ALDH7A1: variants seen among roughly 807,000 people sequenced by gnomAD.
ALDH7A1 encodes the protein alpha-aminoadipic semialdehyde dehydrogenase.
Under a neutral mutation model 79.9 loss-of-function variants are expected in ALDH7A1, and 63 were observed. The ratio of observed to expected loss-of-function variants is 0.79; its 90% CI spans 0.64 to 0.97. ALDH7A1 has a LOEUF of 0.97. ALDH7A1 is among the 50% of genes least tolerant of loss of function. ALDH7A1 has a pLI of 0.00. For missense variants in ALDH7A1, 627 were observed against 665.2 expected, an observed-to-expected ratio of 0.94 and a Z score of 0.63; for synonymous variants, 240 against 231.2, an observed-to-expected ratio of 1.04 and a Z score of -0.34.
rs989375168 is a variant in ALDH7A1 at position 126,550,200 on chromosome 5, G to A, written c.1411C>T (p.Leu471Phe). 2.5e-6 allele frequency: 4 copies of A among 1,612,186 alleles called. No individual in the cohort carries two copies. The highest frequency in any genetic ancestry group is 3.4e-6 in the Non-Finnish European group (4 of 1,179,524). ...TCAAAATAGACAAAGTTGTACCCAAGCCAGCGAAAGATTCTGCCCAGATCT... is the reference window on the plus strand; with the variant it reads ...TCAAAATAGACAAAGTTGTACCCAAACCAGCGAAAGATTCTGCCCAGATCT... The part of the protein sequence containing the change: ...TKDLGRIFRW[L>F]GPKGSDCGIV... Residue 471 changes from leucine (L) to phenylalanine (F), a missense_variant, in exon 15 of 18, where the codon CTT becomes TTT. Transcript: ENST00000409134.
chr5:126,546,481 C>CA, intron 16 of ALDH7A1, 82 bp from the exon 17 acceptor site: 2 of 1,240,210 alleles, frequency 1.6e-6, no homozygotes, highest in South Asian at 1.2e-5. Context: ...AAGAAGATAC[C>CA]AAAAGGACAC....
At chr5:126,557,103 G>T (rs1182254285) in intron 11 of ALDH7A1, among the ~76,000 whole-genome samples, 1 of 152,056 alleles carries the variant, frequency 6.6e-6, no homozygotes, top group Non-Finnish European at 1.5e-5. Flanking sequence ...GTAATGAAGG[G>T]TATAATCATT....
intron 11 of ALDH7A1, among the ~76,000 whole-genome samples, chr5:126,558,810 G>A (rs1333336025): frequency 6.6e-6 from 1 of 152,188 alleles, no homozygotes; most frequent in Non-Finnish European, 1.5e-5. Flanking sequence ...CTATGCTTGA[G>A]CCACCATGCC....
intron 3 of ALDH7A1, among the ~76,000 whole-genome samples, chr5:126,591,051 C>T (rs769835966): frequency 6.6e-6 from 1 of 151,952 alleles, no homozygotes; most frequent in Non-Finnish European, 1.5e-5. Flanking sequence ...ACCTAATGAA[C>T]ATTTTGCATT....
intron 3 of ALDH7A1, chr5:126,588,335 C>G (rs1342398781): frequency 6.6e-6 from 1 of 151,988 alleles, no homozygotes; most frequent in African/African-American, 2.4e-5. Context: ...AAACATTAGC[C>G]GGGCATGGTG....
chr5:126,573,798 C>T (rs1247396547), intron 7 of ALDH7A1, among the ~76,000 whole-genome samples: 1 of 150,838 alleles, frequency 6.6e-6, no homozygotes, highest in Non-Finnish European at 1.5e-5. Context: ...ACCTGGGAGG[C>T]AGAGGTTGGA....
intron 12 of ALDH7A1, chr5:126,555,482 C>CAAAAAAAAAAAAAAAAAAAAAAAAAA (rs762878623): frequency 1.3e-5 from 1 of 74,756 alleles, no homozygotes; most frequent in Non-Finnish European, 2.7e-5. Flanking sequence ...AACTGTGTCT[C>CAAAAAAAAAAAAAAAAAAAAAAAAAA]AAAAAAAAAA....
At chr5:126,588,053 G>A (rs1047474201) in intron 3 of ALDH7A1, 1 of 152,222 alleles carries the variant, frequency 6.6e-6, no homozygotes, top group African/African-American at 2.4e-5. Flanking sequence ...AGGTGCAGAG[G>A]CTGGCATGGT....
intron 9 of ALDH7A1, among the ~76,000 whole-genome samples, chr5:126,567,549 C>G (rs1750627182): frequency 6.6e-6 from 1 of 151,898 alleles, no homozygotes; most frequent in South Asian, 2.1e-4. Context: ...TCTCGGCTCA[C>G]TGCAAGCTCC....
In ALDH7A1 at chr5:126,546,322, A is replaced by G. The variant is rs1310035971; in HGVS notation, c.1565+2T>C. 2 of 1,614,068 alleles carry G rather than the reference A, an allele frequency of 1.2e-6. No homozygotes were observed. The highest frequency in any genetic ancestry group is 2.7e-5 in the African/African-American group (2 of 74,950). On this transcript the variant is annotated splice_donor_variant, in intron 17 of 17. Coordinates refer to ENST00000409134, the MANE Select transcript of ALDH7A1 (RefSeq NM_001182.5). LOFTEE classifies it high-confidence loss of function. ...ACCTATCTTCCCAAAGCCTTTTCTT[A>G]CCAAGTAGACCTTCTCATGTACTGT... is the stretch of plus-strand genomic sequence containing the variant.
At chr5:126,545,909 TCAA>T (rs1346572722) in intron 17 of ALDH7A1, among the ~76,000 whole-genome samples, 1 of 151,854 alleles carries the variant, frequency 6.6e-6, no homozygotes, top group Non-Finnish European at 1.5e-5. Flanking sequence ...GGTCAGGAGT[TCAA>T]CAACAGCCTG....
chr5:126,546,081 C>G (rs1356231119), intron 17 of ALDH7A1, among the ~76,000 whole-genome samples: 1 of 152,172 alleles, frequency 6.6e-6, no homozygotes, highest in Non-Finnish European at 1.5e-5. Flanking sequence ...AACCCCAACT[C>G]TACTAAAAAT....
chr5:126,550,481 T>C (rs954965546), intron 14 of ALDH7A1, among the ~76,000 whole-genome samples, 188 bp from the exon 15 acceptor site: 17 of 152,176 alleles, frequency 1.1e-4, no homozygotes, highest in African/African-American at 3.6e-4. Context: ...AATTTTGGGA[T>C]TTTTCCCCTA....
At chr5:126,561,186 T>C (rs1750390692) in intron 9 of ALDH7A1, 62 bp from the exon 10 acceptor site, 2 of 1,303,742 alleles carry the variant, frequency 1.5e-6, no homozygotes, top group African/African-American at 1.5e-5. Context: ...TGCACACTGC[T>C]ACACAGCCTA....
intron 5 of ALDH7A1, among the ~76,000 whole-genome samples, chr5:126,580,553 G>A (rs1250484142): frequency 6.6e-6 from 1 of 151,824 alleles, no homozygotes; most frequent in Non-Finnish European, 1.5e-5. Context: ...TACAAGTAGG[G>A]AATTTACTCA....
At chr5:126,565,249 C>A (rs948864258) in intron 9 of ALDH7A1, among the ~76,000 whole-genome samples, 1 of 151,898 alleles carries the variant, frequency 6.6e-6, no homozygotes, top group African/African-American at 2.4e-5. Context: ...AAAAATTAGT[C>A]GGACATGGTG....
Position 126,561,079 on chromosome 5 carries a change from T to G in ALDH7A1, c.913+4A>C. On this transcript the variant is annotated splice_donor_region_variant and intron_variant, in intron 10 of 17. Transcript: ENST00000409134. The stretch of plus-strand genomic sequence containing the variant: ...AACAAACAAAAACAAAGAGGCAGCC[T>G]TACCAATAATGGCATTGTTTCCTCC... 1 of 1,613,226 alleles carries G rather than the reference T, an allele frequency of 6.2e-7. No individual in the cohort carries two copies. The highest frequency in any genetic ancestry group is 2.2e-5 in the East Asian group (1 of 44,856).
intron 7 of ALDH7A1, among the ~76,000 whole-genome samples, chr5:126,575,110 G>T (rs1183713459): frequency 6.6e-6 from 1 of 152,180 alleles, no homozygotes; most frequent in Non-Finnish European, 1.5e-5. Context: ...GTTGAATAGT[G>T]AGAAAATATA....
At chr5:126,593,557 C>A in intron 1 of ALDH7A1, 153 bp from the exon 2 acceptor site, 1 of 1,080,346 alleles carries the variant, frequency 9.3e-7, no homozygotes, top group Non-Finnish European at 1.4e-6. Context: ...ATATAAACCA[C>A]TCTACAGAGG....
Sources: gnomAD v4.1 joint callset for allele counts (sites outside exome capture counted in the v4.1 genomes callset) on GRCh38, gnomAD v4.1.1 for gene constraint, MANE v1.5 for transcripts, NCBI Gene and HGNC (gene_info 2026-07-23, HGNC 2026-07-21) for gene names.